The following DARS1 variants were observed in gnomAD, a reference collection of about 807,000 sequenced individuals.
DARS1 encodes the protein aspartate--tRNA ligase, cytoplasmic.
Under a neutral mutation model 68.8 loss-of-function variants are expected in DARS1, and 51 were observed. The observed-to-expected ratio is 0.74, with a 90% CI of 0.59 to 0.94. The LOEUF is 0.94. DARS1 is among the 40% of genes least tolerant of loss of function. DARS1 has a pLI of 0.00. For missense variants in DARS1, 607 were observed against 597.3 expected (o/e 1.02, Z -0.17); for synonymous variants, 203 against 190.4 (o/e 1.07, Z -0.55).
At position 135,922,751 on chromosome 2, in the gene DARS1, A is replaced by G. The variant is rs200242128; in HGVS notation, c.811+33T>C. The G allele has an allele frequency of 6.4e-5, 96 of 1,507,610 alleles. No homozygotes were observed. In the African/African-American group the frequency reaches 1.3e-3, roughly 20 times the overall value. The allele number at this position is 1,507,610 out of a possible 1,614,324, so 93.4% of individuals were successfully genotyped here. On this transcript the variant is annotated intron_variant, in intron 9 of 15. Transcript: ENST00000264161. Reference sequence around the variant, plus strand: ...AATTATAACTGCTGTATAATTAATTAACTTGGATAAAACATAACTGCCAAA... The same window carrying G: ...AATTATAACTGCTGTATAATTAATTGACTTGGATAAAACATAACTGCCAAA...
At chr2:135,913,742 G>T (rs1006646982) in intron 12 of DARS1, among the ~76,000 whole-genome samples, 2 of 150,552 alleles carry the variant, frequency 1.3e-5, no homozygotes, top group Non-Finnish European at 2.9e-5. Flanking sequence ...TGGGCAACAA[G>T]AGCGAAACTC....
chr2:135,975,968 A>C (rs910224561), intron 3 of DARS1, among the ~76,000 whole-genome samples: 3 of 152,022 alleles, frequency 2.0e-5, no homozygotes, highest in African/African-American at 7.2e-5. Flanking sequence ...AACCAAAAAA[A>C]CCCACAAATC....
At chr2:135,976,440 A>AGTT (rs776440932) in intron 3 of DARS1, among the ~76,000 whole-genome samples, 7 of 152,188 alleles carry the variant, frequency 4.6e-5, no homozygotes, top group Non-Finnish European at 8.8e-5. Flanking sequence ...AACTCTTAAG[A>AGTT]AAGTTTTAAA....
At chr2:135,936,690 A>T (rs1182921653) in intron 5 of DARS1, among the ~76,000 whole-genome samples, 1 of 152,218 alleles carries the variant, frequency 6.6e-6, no homozygotes, top group Admixed American at 6.5e-5. Context: ...TGTCTTTACT[A>T]GGTTACAAAC....
At chr2:135,911,673 TA>T (rs1378077149) in intron 13 of DARS1, 180 bp from the exon 14 acceptor site, 38 of 497,640 alleles carry the variant, frequency 7.6e-5, no homozygotes, top group Non-Finnish European at 1.2e-4. Context: ...TCTTTGTTTA[TA>T]TCAGATTCTG....
chr2:135,912,315 A>G (rs1680911513), intron 13 of DARS1, among the ~76,000 whole-genome samples, 171 bp downstream of exon 13: 1 of 152,242 alleles, frequency 6.6e-6, no homozygotes, highest in Admixed American at 6.5e-5. Context: ...TAGAATATTC[A>G]AATTTTACAA....
intron 7 of DARS1, among the ~76,000 whole-genome samples, chr2:135,928,464 C>T (rs1681272178): frequency 6.6e-6 from 1 of 151,474 alleles, no homozygotes; most frequent in Admixed American, 6.6e-5. Flanking sequence ...GTGATTTCAG[C>T]CTCCTGAGTA....
intron 4 of DARS1, among the ~76,000 whole-genome samples, chr2:135,955,066 T>C (rs1471550854): frequency 6.6e-6 from 1 of 151,470 alleles, no homozygotes; most frequent in Non-Finnish European, 1.5e-5. Context: ...TGGTAGAGAC[T>C]GGGGGATGAC....
At chr2:135,948,240 C>A (rs974352528) in intron 4 of DARS1, among the ~76,000 whole-genome samples, 2 of 152,178 alleles carry the variant, frequency 1.3e-5, no homozygotes, top group African/African-American at 2.4e-5. Context: ...CAAGGAGTTG[C>A]AATACACAAC....
At chr2:135,951,457 T>C (rs929472996) in intron 4 of DARS1, among the ~76,000 whole-genome samples, 1 of 152,248 alleles carries the variant, frequency 6.6e-6, no homozygotes, top group Admixed American at 6.5e-5. Flanking sequence ...AGCAAACAGA[T>C]AAGATTCATG....
intron 10 of DARS1, among the ~76,000 whole-genome samples, chr2:135,919,765 C>T (rs1681078985): frequency 6.6e-6 from 1 of 152,196 alleles, no homozygotes; most frequent in African/African-American, 2.4e-5. Flanking sequence ...TCTAATATTT[C>T]TATAAATGTT....
At chr2:135,927,720 C>T (rs1274311435) in intron 7 of DARS1, among the ~76,000 whole-genome samples, 1 of 152,044 alleles carries the variant, frequency 6.6e-6, no homozygotes, top group Non-Finnish European at 1.5e-5. Context: ...AATTTTTCTA[C>T]ACTTAAAAAA....
chr2:135,981,578 T>C (rs953471654), intron 2 of DARS1, among the ~76,000 whole-genome samples: 2 of 152,138 alleles, frequency 1.3e-5, no homozygotes, highest in Non-Finnish European at 2.9e-5. Flanking sequence ...CAAAACACTT[T>C]TGTGGTCTCA....
Position 135,932,845 on chromosome 2 carries a change from A to C in DARS1, c.505-3T>G. On this transcript the variant is annotated splice_polypyrimidine_tract_variant and splice_region_variant and intron_variant, in intron 6 of 15. Coordinates refer to ENST00000264161, the MANE Select transcript of DARS1 (RefSeq NM_001349.4). The stretch of plus-strand genomic sequence containing the variant: ...TGGTTAACAGTAGCTCTTCCTTCCT[A>C]AAAAAAAAAAAAAAGAAAAGAAAAA... 1 of 141,172 alleles carries C rather than the reference A, an allele frequency of 7.1e-6. No individual in the cohort carries two copies. The highest frequency in any genetic ancestry group is 8.5e-6 in the Non-Finnish European group (1 of 117,886). The allele number at this position is 141,172 out of a possible 1,614,324, so 8.7% of individuals were successfully genotyped here.
intron 4 of DARS1, among the ~76,000 whole-genome samples, chr2:135,958,812 T>C (rs1682034724): frequency 6.6e-6 from 1 of 152,180 alleles, no homozygotes; most frequent in Non-Finnish European, 1.5e-5. Flanking sequence ...GTTATCTATG[T>C]ACCACATGTT....
In DARS1 at chr2:135,906,356, A is replaced by C. The variant is rs1680780878; in HGVS notation, c.*960T>G. Reference sequence around the variant, plus strand: ...GAAAGTGTTTCTAACTAATTCTTACACAAAAATTTCTTTTTGACGGATAAG... The same window carrying C: ...GAAAGTGTTTCTAACTAATTCTTACCCAAAAATTTCTTTTTGACGGATAAG... On this transcript the variant is annotated 3_prime_UTR_variant, in exon 16 of 16. Transcript: ENST00000264161. 6.6e-6 allele frequency among the ~76,000 whole-genome samples: 1 copy of C among 152,212 alleles called. No individual in the cohort carries two copies. The highest frequency in any genetic ancestry group is 2.4e-5 in the African/African-American group (1 of 41,452).
At chr2:135,966,394 G>A (rs1252840905) in intron 3 of DARS1, among the ~76,000 whole-genome samples, 1 of 152,134 alleles carries the variant, frequency 6.6e-6, no homozygotes, top group Non-Finnish European at 1.5e-5. Flanking sequence ...GCTGGTATAT[G>A]AACTTTAGAG....
Position 135,906,035 on chromosome 2 carries a change from C to A in DARS1, c.*1281G>T, listed in dbSNP as rs77096272. On this transcript the variant is annotated 3_prime_UTR_variant, in exon 16 of 16. Transcript: ENST00000264161. ...TTGCTGTGGATTAAATTATGAAATA[C>A]TTTTGGGGTGCCTTCTATATTTAAG... 0.16 allele frequency among the ~76,000 whole-genome samples: 24,423 copies of A among 152,036 alleles called. 2,265 individuals are homozygous for A. The highest frequency in any genetic ancestry group is 0.4 in the Middle Eastern group (115 of 290).
chr2:135,980,536 A>C (rs917988746), intron 2 of DARS1: 3 of 152,234 alleles, frequency 2.0e-5, no homozygotes, highest in Non-Finnish European at 4.4e-5. Context: ...CATAGCCAAA[A>C]GCAAAGAGAA....
Sources: allele counts gnomAD v4.1 joint callset (sites outside exome capture counted in the v4.1 genomes callset), GRCh38; gene constraint gnomAD v4.1.1; transcripts MANE v1.5; gene names NCBI Gene and HGNC (gene_info 2026-07-23, HGNC 2026-07-21).